USP7: variants seen among roughly 807,000 people sequenced by gnomAD.
The protein encoded by USP7 is ubiquitin specific peptidase 7.
Under a neutral mutation model 162.9 loss-of-function variants are expected in USP7, and 9 were observed. The ratio of observed to expected loss-of-function variants is 0.06; its 90% CI spans 0.03 to 0.10. The LOEUF is 0.10. Among genes scored for constraint, USP7 ranks in the 10% least tolerant of loss-of-function variants. The pLI, the probability that USP7 is intolerant of heterozygous loss-of-function variation, is 1.00. For missense variants in USP7, 715 were observed against 1,373.7 expected (o/e 0.52, Z 7.58); for synonymous variants, 562 against 475.9 (o/e 1.18, Z -2.35).
At chr16:8,953,075 T>G (rs1899630329) in intron 1 of USP7, among the ~76,000 whole-genome samples, 1 of 152,062 alleles carries the variant, frequency 6.6e-6, no homozygotes, top group African/African-American at 2.4e-5. Flanking sequence ...GACCTCGTAA[T>G]CTGTCGCCTT....
chr16:8,919,149 C>G lies in USP7; in HGVS notation c.612-10G>C. The G allele has an allele frequency of 6.2e-7, 1 of 1,613,774 alleles. No homozygotes were observed. Among genetic ancestry groups the G allele is most frequent in the Non-Finnish European group, 8.5e-7 (1 of 1,179,824 alleles). ...CTTCTTTGAATCCCACCTGAAAGAT[C>G]AGTTCAAGGTTGAGGGGATCTTGCA... On this transcript the variant is annotated splice_polypyrimidine_tract_variant and intron_variant, in intron 5 of 30. Transcript: ENST00000344836.
chr16:8,961,239 TCTC>T (rs1238006797), intron 1 of USP7, among the ~76,000 whole-genome samples: 1 of 152,060 alleles, frequency 6.6e-6, no homozygotes, highest in Non-Finnish European at 1.5e-5. Flanking sequence ...ACACCTGTAA[TCTC>T]AGCAGTTTGG....
chr16:8,902,397 G>T lies in USP7; in HGVS notation c.1925C>A (p.Ala642Asp). The T allele has an allele frequency of 6.2e-7, 1 of 1,614,062 alleles. No individual in the cohort carries two copies. The highest frequency in any genetic ancestry group is 8.5e-7 in the Non-Finnish European group (1 of 1,180,004). ...TKRPAMLDNE[A>D]DGNKTMIELS... ...AATATTTACTGTTTTATTGCCGTCG[G>T]CTTCATTATCTAACATTGCTGGTCG... Residue 642 changes from alanine (A) to aspartate (D), a missense_variant, in exon 17 of 31, where the codon GCC becomes GAC. Coordinates refer to ENST00000344836, the MANE Select transcript of USP7 (RefSeq NM_003470.3).
At chr16:8,935,117 T>C (rs557846337) in intron 1 of USP7, among the ~76,000 whole-genome samples, 2 of 152,274 alleles carry the variant, frequency 1.3e-5, no homozygotes, top group African/African-American at 2.4e-5. Context: ...AAGAGTGATG[T>C]AATACCAAGT....
At chr16:8,955,576 C>T (rs569756176) in intron 1 of USP7, among the ~76,000 whole-genome samples, 7 of 151,976 alleles carry the variant, frequency 4.6e-5, no homozygotes, top group African/African-American at 7.3e-5. Context: ...CATGGCGGCG[C>T]GCCCCTGTAG....
chr16:8,923,369 G>T lies in USP7; in HGVS notation c.229C>A (p.Arg77Ser). 6.2e-7 allele frequency: 1 copy of T among 1,614,174 alleles called. No homozygotes were observed. The highest frequency in any genetic ancestry group is 1.3e-5 in the African/African-American group (1 of 75,028). Residue 77 changes from arginine (R) to serine (S), a missense_variant, in exon 3 of 31, where the codon CGC becomes AGC. Arg to Ser is a moderately radical substitution (Grantham distance 110). Transcript: ENST00000344836. Reference sequence around the variant, plus strand: ...ACCGACTCACTCAGTCTGCTGAAGCGCTCCACAGTGAACTGAAAGGTTGCC... The same window carrying T: ...ACCGACTCACTCAGTCTGCTGAAGCTCTCCACAGTGAACTGAAAGGTTGCC... ...SEATFQFTVE[R>S]FSRLSESVLS...
At chr16:8,939,707 C>T (rs1488911755) in intron 1 of USP7, among the ~76,000 whole-genome samples, 1 of 152,206 alleles carries the variant, frequency 6.6e-6, no homozygotes, top group Non-Finnish European at 1.5e-5. Context: ...TGCTCGTGCA[C>T]TTTTTCTCAT....
At chr16:8,949,362 G>A (rs914926633) in intron 1 of USP7, among the ~76,000 whole-genome samples, 2 of 152,208 alleles carry the variant, frequency 1.3e-5, no homozygotes, top group African/African-American at 4.8e-5. Flanking sequence ...GTACTATGTA[G>A]GGAAAAACTA....
chr16:8,926,927 T>C (rs566181478), intron 2 of USP7, among the ~76,000 whole-genome samples: 3 of 152,298 alleles, frequency 2.0e-5, no homozygotes, highest in African/African-American at 7.2e-5. Flanking sequence ...CAGGGACAAT[T>C]ACCTACAGCA....
intron 10 of USP7, among the ~76,000 whole-genome samples, chr16:8,913,337 C>A (rs1259933501): frequency 6.6e-6 from 1 of 151,636 alleles, no homozygotes; most frequent in African/African-American, 2.4e-5. Flanking sequence ...GCCTGGGCAA[C>A]AGAGCGAGAC....
Position 8,895,155 on chromosome 16 carries a change from G to A in USP7, c.2920-5C>T. 5 of 1,614,148 alleles carry A rather than the reference G, an allele frequency of 3.1e-6. No homozygotes were observed. Among genetic ancestry groups the A allele is most frequent in the South Asian group, 1.1e-5 (1 of 91,076 alleles). On this transcript the variant is annotated splice_polypyrimidine_tract_variant and splice_region_variant and intron_variant, in intron 27 of 30. Coordinates refer to ENST00000344836, the MANE Select transcript of USP7 (RefSeq NM_003470.3). ...CACCTGGTCCAAAGGGATTTCCTGG[G>A]GACACGGACAACAGACACAGTTCTG...
intron 1 of USP7, among the ~76,000 whole-genome samples, chr16:8,935,362 A>T (rs1336223812): frequency 6.6e-6 from 1 of 152,144 alleles, no homozygotes; most frequent in Admixed American, 6.5e-5. Context: ...GGCACCTGCC[A>T]TCATGCCCAG....
At chr16:8,899,846 A>T (rs2061746341) in intron 21 of USP7, 89 bp from the exon 22 acceptor site, 2 of 1,430,922 alleles carry the variant, frequency 1.4e-6, no homozygotes, top group Non-Finnish European at 2.0e-6. Context: ...CACAACAGTG[A>T]CACCAACAGG....
At chr16:8,910,852 C>T (rs748469200) in intron 10 of USP7, 25 bp from the exon 11 acceptor site, 5 of 1,587,472 alleles carry the variant, frequency 3.1e-6, no homozygotes, top group South Asian at 1.1e-5. Context: ...AGAGAAAAGT[C>T]AAGTGCTAAA....
intron 2 of USP7, among the ~76,000 whole-genome samples, chr16:8,924,249 C>T (rs1411414040): frequency 1.3e-5 from 2 of 152,252 alleles, no homozygotes; most frequent in Non-Finnish European, 2.9e-5. Flanking sequence ...GCTTCCCAAA[C>T]GACTCCTGCG....
Position 8,963,293 on chromosome 16 carries a change from G to A in USP7, c.-8C>T, listed in dbSNP as rs1202490051. 2.4e-6 allele frequency: 3 copies of A among 1,265,688 alleles called. No individual in the cohort carries two copies. The highest frequency in any genetic ancestry group is 1.6e-5 in the African/African-American group (1 of 62,998). 78.4% of individuals were successfully genotyped at this position (1,265,688 alleles called of 1,614,324 possible). A position where few individuals can be genotyped will look rare whatever the true frequency, so the allele number is the denominator to read the frequency against. On this transcript the variant is annotated 5_prime_UTR_variant, in exon 1 of 31. Transcript: ENST00000344836. ...CTGCTGCTGGTGGTTCATGTCGGCC[G>A]CGGCCTGGGCCTCGCCTGCGGCCGG...
intron 10 of USP7, among the ~76,000 whole-genome samples, chr16:8,915,011 CCA>C (rs1567220751): frequency 6.6e-6 from 1 of 152,154 alleles, no homozygotes; most frequent in African/African-American, 2.4e-5. Context: ...TGTTAGAAGT[CCA>C]CGTGGTGGTT....
intron 18 of USP7, 65 bp from the exon 19 acceptor site, chr16:8,901,299 AAAACAAAC>A: frequency 3.5e-6 from 4 of 1,129,704 alleles, no homozygotes; most frequent in Non-Finnish European, 5.1e-6. Context: ...AAAAAACAAA[AAAACAAAC>A]AAACAAAAAA....
chr16:8,914,188 G>C (rs2061994170), intron 10 of USP7, among the ~76,000 whole-genome samples: 2 of 152,022 alleles, frequency 1.3e-5, no homozygotes, highest in Admixed American at 1.3e-4. Flanking sequence ...GAAAAGGTAA[G>C]AACAACCTCA....
Sources: gnomAD v4.1 joint callset for allele counts (sites outside exome capture counted in the v4.1 genomes callset) on GRCh38, gnomAD v4.1.1 for gene constraint, MANE v1.5 for transcripts, NCBI Gene and HGNC (gene_info 2026-07-23, HGNC 2026-07-21) for gene names.